The following PAWR variants were observed in gnomAD, a reference collection of about 807,000 sequenced individuals.
PAWR encodes PRKC apoptosis WT1 regulator protein.
PAWR carries 23 observed loss-of-function variants against 32.0 expected under a neutral mutation model. That is an observed-to-expected ratio of 0.72 (90% CI 0.52 to 1.02). The LOEUF (loss-of-function observed/expected upper bound fraction) is 1.02, where lower values mean the gene tolerates loss of function less well. Ranked by LOEUF, PAWR falls within the 50% of genes least tolerant of loss-of-function variation. The pLI, the probability that PAWR is intolerant of heterozygous loss-of-function variation, is 0.00. For synonymous variants in PAWR, 226 were observed against 187.1 expected, an observed-to-expected ratio of 1.21 and a Z score of -1.70; for missense variants, 457 against 437.7, an observed-to-expected ratio of 1.04 and a Z score of -0.39.
chr12:79,606,380 A>G (rs960680363), intron 4 of PAWR, among the ~76,000 whole-genome samples: 1 of 152,200 alleles, frequency 6.6e-6, no homozygotes, highest in Admixed American at 6.5e-5. Context: ...GAACAGTAAG[A>G]TCAGTTTAGT....
Position 79,585,218 on chromosome 12 carries a change from A to T in PAWR, c.*7389T>A. 1 of 440,448 alleles carries T rather than the reference A, an allele frequency of 2.3e-6. No homozygotes were observed. The highest frequency in any genetic ancestry group is 1.6e-5 in the South Asian group (1 of 60,918). 27.3% of individuals were successfully genotyped at this position (440,448 alleles called of 1,614,324 possible). On this transcript the variant is annotated 3_prime_UTR_variant, in exon 7 of 7. Coordinates refer to ENST00000328827, the MANE Select transcript of PAWR (RefSeq NM_002583.4). Reference sequence around the variant, plus strand: ...TTATTTCTACAATGTCCAAAAAGAAAGACCAAGATCTTTGCTTAAAAATAG... The same window carrying T: ...TTATTTCTACAATGTCCAAAAAGAATGACCAAGATCTTTGCTTAAAAATAG...
rs8176810 is a variant in PAWR, at chr12:79,680,274, C to T, written c.516+9455G>A. On this transcript the variant is annotated intron_variant, in intron 2 of 6. Coordinates refer to ENST00000328827, the MANE Select transcript of PAWR (RefSeq NM_002583.4). The stretch of plus-strand genomic sequence containing the variant: ...ACACACCTCAAACATCTGCCAGTTA[C>T]GTCAGTTCACTGCATACGTTATGAG... Among the ~76,000 whole-genome samples the T allele has an allele frequency of 3.4e-3, 519 of 152,278 alleles. 3 individuals are homozygous for T. The highest frequency in any genetic ancestry group is 0.011 in the African/African-American group (472 of 41,554).
intron 4 of PAWR, chr12:79,604,838 A>G: frequency 2.8e-6 from 1 of 357,520 alleles, no homozygotes; most frequent in South Asian, 3.3e-5. Context: ...TTATTATAGA[A>G]AACAGAAAAT....
chr12:79,611,168 TATAG>T (rs989385112), intron 4 of PAWR, among the ~76,000 whole-genome samples: 13 of 146,624 alleles, frequency 8.9e-5, no homozygotes, highest in South Asian at 2.1e-4. Flanking sequence ...ATATAAATCT[TATAG>T]ATATTTATAT....
rs1384315095 is a variant in PAWR, at chr12:79,690,209, G to A, written c.36C>T (p.Leu12=). ...ATGGYRTSSG[L]GGSTTDFLEE... ...CCAGGAAGTCTGTGGTGCTGCCGCC[G>A]AGGCCGCTGCTGGTCCGGTAGCCAC... The change falls in exon 2 of 7, where the codon CTC becomes CTT. Residue 12 remains leucine, a synonymous_variant. Transcript: ENST00000328827. The A allele has an allele frequency of 7.2e-6, 11 of 1,527,406 alleles. No individual in the cohort carries two copies. The highest frequency in any genetic ancestry group is 1.2e-5 in the South Asian group (1 of 84,142). 94.6% of individuals were successfully genotyped at this position (1,527,406 alleles called of 1,614,324 possible). A position where few individuals can be genotyped will look rare whatever the true frequency, so the allele number is the denominator to read the frequency against.
chr12:79,673,646 C>T (rs1219131745), intron 2 of PAWR, among the ~76,000 whole-genome samples: 1 of 152,164 alleles, frequency 6.6e-6, no homozygotes, highest in Non-Finnish European at 1.5e-5. Context: ...TAACCCAATA[C>T]TAGCCAAACA....
chr12:79,635,583 G>A (rs961175409), intron 2 of PAWR: 2 of 152,114 alleles, frequency 1.3e-5, no homozygotes, highest in Admixed American at 1.3e-4. Context: ...TACAGGATTT[G>A]TAAATGTATA....
chr12:79,671,832 C>T (rs1015225611), intron 2 of PAWR, among the ~76,000 whole-genome samples: 1 of 152,122 alleles, frequency 6.6e-6, no homozygotes, highest in Non-Finnish European at 1.5e-5. Context: ...ACTTGGGAGG[C>T]TGAGGCAAGA....
chr12:79,648,616 CTAA>C (rs1235727537), intron 2 of PAWR, among the ~76,000 whole-genome samples: 1 of 103,232 alleles, frequency 9.7e-6, no homozygotes, highest in African/African-American at 7.0e-5. Flanking sequence ...GACCCTGTCT[CTAA>C]AAAAAAAAAA....
chr12:79,652,037 T>C (rs956946929), intron 2 of PAWR, among the ~76,000 whole-genome samples: 2 of 152,028 alleles, frequency 1.3e-5, no homozygotes, highest in African/African-American at 4.8e-5. Flanking sequence ...ACAAAGTACC[T>C]AGAGTAGTCA....
At chr12:79,658,064 A>G (rs1252714025) in intron 2 of PAWR, among the ~76,000 whole-genome samples, 1 of 152,166 alleles carries the variant, frequency 6.6e-6, no homozygotes, top group African/African-American at 2.4e-5. Flanking sequence ...GCAGGAAGAA[A>G]GAGCACCAAA....
At chr12:79,640,577 T>C (rs1056198957) in intron 2 of PAWR, among the ~76,000 whole-genome samples, 5 of 151,728 alleles carry the variant, frequency 3.3e-5, no homozygotes, top group Non-Finnish European at 7.4e-5. Flanking sequence ...TCTGTCTCTA[T>C]AAAAAATACC....
At position 79,690,056 on chromosome 12, in the gene PAWR, G is replaced by GGCC. The variant is rs1001185292; in HGVS notation, c.186_188dup (p.Ala66dup). ...TGTTGTTGAGCTCGTTGGCAGCGGC[G>GGCC]GCCGCCGGGGTGCCCAGAGCCCCCG... On this transcript the variant is annotated inframe_insertion, in exon 2 of 7. Transcript: ENST00000328827. 4 of 1,361,328 alleles carry GGCC rather than the reference G, an allele frequency of 2.9e-6. No individual in the cohort carries two copies. The African/African-American group carries it at 6.2e-5, about 21-fold the overall frequency. 84.3% of individuals were successfully genotyped at this position (1,361,328 alleles called of 1,614,324 possible).
intron 4 of PAWR, among the ~76,000 whole-genome samples, chr12:79,608,979 A>C (rs1275139118): frequency 1.3e-5 from 2 of 152,074 alleles, no homozygotes; most frequent in Admixed American, 1.3e-4. Context: ...CAGGAGGTAA[A>C]GGTTGCTTCA....
At position 79,689,964 on chromosome 12, in the gene PAWR, C is replaced by T; in HGVS notation, c.281G>A (p.Gly94Asp). Reference sequence around the variant, plus strand: ...GGCCGCCCGCGTCAGCATGGCGGAGCCGACCGCGCAGTTCACGCCCCCGGG... The same window carrying T: ...GGCCGCCCGCGTCAGCATGGCGGAGTCGACCGCGCAGTTCACGCCCCCGGG... ...PGPGGVNCAV[G>D]SAMLTRAAPG... The change falls in exon 2 of 7, where the codon GGC becomes GAC. Residue 94 changes from glycine to aspartate, a missense_variant. By Grantham distance (94) the Gly-to-Asp change is moderately conservative. Transcript: ENST00000328827. 7.3e-7 allele frequency: 1 copy of T among 1,374,342 alleles called. No individual in the cohort carries two copies. The allele number at this position is 1,374,342 out of a possible 1,614,324, so 85.1% of individuals were successfully genotyped here.
At chr12:79,639,375 A>T (rs999473068) in intron 2 of PAWR, among the ~76,000 whole-genome samples, 2 of 152,182 alleles carry the variant, frequency 1.3e-5, no homozygotes, top group African/African-American at 4.8e-5. Context: ...CTAGTAAAAT[A>T]CTTATGTCAA....
At chr12:79,645,069 A>ACACACACACACACACACACACAC (rs1220453183) in intron 2 of PAWR, among the ~76,000 whole-genome samples, 1 of 124,780 alleles carries the variant, frequency 8.0e-6, no homozygotes, top group African/African-American at 5.1e-5. Context: ...CACACACACA[A>ACACACACACACACACACACACAC]AAATCAATGT....
intron 2 of PAWR, among the ~76,000 whole-genome samples, chr12:79,679,093 C>T (rs1165999471): frequency 1.3e-5 from 2 of 152,126 alleles, no homozygotes; most frequent in Non-Finnish European, 2.9e-5. Context: ...TAGTTCAGTA[C>T]TTTGCTCTTT....
rs899231975 is a variant in PAWR at position 79,630,300 on chromosome 12, A to AAT, written c.517-9095_517-9094dup. Among the ~76,000 whole-genome samples the AAT allele has an allele frequency of 8.4e-5, 11 of 130,410 alleles. No homozygotes were observed. In the South Asian group the frequency reaches 8.5e-4, roughly 10 times the overall value. The allele number at this position is 130,410 out of a possible 152,430, so 85.6% of individuals were successfully genotyped here. A position where few individuals can be genotyped will look rare whatever the true frequency, so the allele number is the denominator to read the frequency against. ...AAATTATGAAAAACTTTGTGCCACT[A>AAT]ATATATATATATATATTTTTTTTGA... On this transcript the variant is annotated intron_variant, in intron 2 of 6. Transcript: ENST00000328827.
Sources: gnomAD v4.1 joint callset for allele counts (sites outside exome capture counted in the v4.1 genomes callset) on GRCh38, gnomAD v4.1.1 for gene constraint, MANE v1.5 for transcripts, NCBI Gene and HGNC (gene_info 2026-07-23, HGNC 2026-07-21) for gene names.